ASCC3: variants seen among roughly 807,000 people sequenced by gnomAD.
The protein encoded by ASCC3 is ASC-1 complex subunit P200.
In ASCC3, 158 loss-of-function variants were observed where a neutral mutation model predicts 256.3. The observed-to-expected ratio is 0.62, with a 90% CI of 0.54 to 0.70. The LOEUF is 0.70. Ranked by LOEUF, ASCC3 falls within the 30% of genes least tolerant of loss-of-function variation. The probability of loss-of-function intolerance (pLI) is 0.00; values close to 1 mark genes in which losing one functional copy is unlikely to be tolerated. For missense variants in ASCC3, 2,259 were observed against 2,626.0 expected (o/e 0.86, Z 3.05); for synonymous variants, 948 against 883.4 (o/e 1.07, Z -1.30).
At chr6:100,709,552 G>A (rs1365479337) in intron 13 of ASCC3, among the ~76,000 whole-genome samples, 5 of 151,982 alleles carry the variant, frequency 3.3e-5, no homozygotes, top group Admixed American at 2.6e-4. Flanking sequence ...GGACTGGGAA[G>A]GTTAAAAGTC....
At chr6:100,686,067 AG>A (rs1777552626) in intron 13 of ASCC3, among the ~76,000 whole-genome samples, 1 of 152,210 alleles carries the variant, frequency 6.6e-6, no homozygotes, top group Non-Finnish European at 1.5e-5. Context: ...TAACACATTG[AG>A]CCCAATCAAA....
chr6:100,875,864 C>A (rs576413036), intron 1 of ASCC3, among the ~76,000 whole-genome samples: 1 of 146,402 alleles, frequency 6.8e-6, no homozygotes, highest in Non-Finnish European at 1.5e-5. Context: ...AGGGAAAAAA[C>A]AAACAAACAA....
intron 40 of ASCC3, 114 bp from the exon 41 acceptor site, chr6:100,510,221 C>T: frequency 9.2e-7 from 1 of 1,090,184 alleles, no homozygotes; most frequent in Non-Finnish European, 1.4e-6. Flanking sequence ...CATAGTTCAG[C>T]ATATCTATCT....
rs1333849285 is a variant in ASCC3, at chr6:100,854,941, A to C, written c.242-6234T>G. ...CTTCAGTGCAACACTTCAGTATTGC[A>C]TCCATATATCAGATGCTTATTAATA... On this transcript the variant is annotated intron_variant, in intron 3 of 41. Coordinates refer to ENST00000369162, the MANE Select transcript of ASCC3 (RefSeq NM_006828.4). Among the ~76,000 whole-genome samples the C allele has an allele frequency of 1.4e-4, 21 of 152,294 alleles. No individual in the cohort carries two copies. The South Asian group carries it at 1.7e-3, about 12-fold the overall frequency.
intron 3 of ASCC3, 150 bp downstream of exon 3, chr6:100,863,914 C>T (rs755682361): frequency 3.1e-5 from 23 of 734,040 alleles, no homozygotes; most frequent in Non-Finnish European, 4.1e-5. Flanking sequence ...TGAGCCACCG[C>T]GCCTGGCCAG....
chr6:100,759,276 C>T (rs1289364697), intron 10 of ASCC3, among the ~76,000 whole-genome samples: 1 of 152,162 alleles, frequency 6.6e-6, no homozygotes, highest in Non-Finnish European at 1.5e-5. Context: ...GCTTTTGTTG[C>T]AATTGCTTTT....
rs757219800 is a variant in ASCC3, at chr6:100,510,010, A to G, written c.6383T>C (p.Ile2128Thr). ...AATATATCCTACTCTTTTCAAAGCA[A>G]TAAGTTCTCTCTTATCCACTTCTCC... is the stretch of plus-strand genomic sequence containing the variant. ...ILGEVDKRELIALKRVGYIRN... is the reference protein window; with the variant it reads ...ILGEVDKRELTALKRVGYIRN... Residue 2128 changes from isoleucine (I) to threonine (T), a missense_variant, in exon 41 of 42, where the codon ATT becomes ACT. By Grantham distance (89) the Ile-to-Thr change is moderately conservative. Around this residue, in one of 2 missense-constraint regions of ASCC3, gnomAD observed 1,839 missense variants for 2,206.7 expected, o/e 0.83. Coordinates refer to ENST00000369162, the MANE Select transcript of ASCC3 (RefSeq NM_006828.4). The G allele has an allele frequency of 1.5e-5, 24 of 1,614,050 alleles. No homozygotes were observed. Among genetic ancestry groups the G allele is most frequent in the African/African-American group, 2.7e-5 (2 of 74,936 alleles).
At chr6:100,784,264 C>T (rs1442354184) in intron 8 of ASCC3, among the ~76,000 whole-genome samples, 3 of 151,950 alleles carry the variant, frequency 2.0e-5, no homozygotes, top group African/African-American at 7.3e-5. Context: ...TTTTATTAAT[C>T]TGAGTGTTGA....
intron 30 of ASCC3, among the ~76,000 whole-genome samples, chr6:100,622,999 T>G (rs553748290): frequency 3.3e-5 from 5 of 152,240 alleles, no homozygotes; most frequent in African/African-American, 1.2e-4. Context: ...GGTTTGTACA[T>G]TGTATCTTGA....
At chr6:100,526,693 G>A (rs1371188542) in intron 37 of ASCC3, among the ~76,000 whole-genome samples, 1 of 152,146 alleles carries the variant, frequency 6.6e-6, no homozygotes, top group East Asian at 1.9e-4. Context: ...GACCATCTAG[G>A]ACTAGGATTC....
At chr6:100,558,974 A>G (rs560573968) in intron 36 of ASCC3, among the ~76,000 whole-genome samples, 1 of 152,290 alleles carries the variant, frequency 6.6e-6, no homozygotes, top group East Asian at 1.9e-4. Context: ...TTGAGAATTG[A>G]GTATTGAGCA....
rs139367636 is a variant in ASCC3 at position 100,799,517 on chromosome 6, C to T, written c.1183G>A (p.Ala395Thr). The T allele has an allele frequency of 4.7e-4, 766 of 1,613,064 alleles. 1 individual carries two copies. In the African/African-American group the frequency reaches 8.0e-3, roughly 17 times the overall value. The part of the protein sequence containing the change: ...SVPILSRQRD[A>T]DVEKIHYPHV... ...GGATAATGTATTTTTTCAACGTCTG[C>T]ATCTCTCTGCCTGCTCAGAATTGGA... The change falls in exon 7 of 42, where the codon GCA (alanine) becomes ACA (threonine). Residue 395 changes from alanine (A) to threonine (T), a missense_variant. Around this residue, in one of 2 missense-constraint regions of ASCC3, gnomAD observed 1,839 missense variants for 2,206.7 expected, o/e 0.83. Coordinates refer to ENST00000369162, the MANE Select transcript of ASCC3 (RefSeq NM_006828.4).
chr6:100,647,895 G>A (rs898509844), intron 20 of ASCC3, among the ~76,000 whole-genome samples: 1 of 151,884 alleles, frequency 6.6e-6, no homozygotes, highest in Admixed American at 6.6e-5. Context: ...TGAGAGAAGG[G>A]TGACAAATGA....
At chr6:100,529,142 ATGTGTG>A (rs146662357) in intron 37 of ASCC3, among the ~76,000 whole-genome samples, 2 of 150,506 alleles carry the variant, frequency 1.3e-5, no homozygotes, top group Non-Finnish European at 3.0e-5. Flanking sequence ...GGAACATAAA[ATGTGTG>A]TGTGTGTGTG....
intron 10 of ASCC3, among the ~76,000 whole-genome samples, chr6:100,755,333 A>G (rs1781128164): frequency 6.6e-6 from 1 of 151,480 alleles, no homozygotes; most frequent in South Asian, 2.1e-4. Context: ...TGTAATCTCT[A>G]TTATATATAT....
intron 30 of ASCC3, among the ~76,000 whole-genome samples, chr6:100,608,129 T>C (rs1773057759): frequency 7.9e-6 from 1 of 126,538 alleles, no homozygotes; most frequent in Admixed American, 8.8e-5. Flanking sequence ...TATATATACA[T>C]ATATATGTAT....
chr6:100,633,604 G>A (rs985151566), intron 25 of ASCC3, among the ~76,000 whole-genome samples: 1 of 151,948 alleles, frequency 6.6e-6, no homozygotes, highest in African/African-American at 2.4e-5. Flanking sequence ...GGTTGCTCAG[G>A]CCTGTAATCC....
At chr6:100,820,592 A>T (rs73506911) in intron 4 of ASCC3, among the ~76,000 whole-genome samples, 136 of 152,312 alleles carry the variant, frequency 8.9e-4, no homozygotes, top group African/African-American at 3.2e-3. Context: ...AAAATTCCTA[A>T]CTATGACATC....
At chr6:100,576,862 G>A (rs1770893338) in intron 36 of ASCC3, among the ~76,000 whole-genome samples, 2 of 150,816 alleles carry the variant, frequency 1.3e-5, no homozygotes, top group South Asian at 4.2e-4. Flanking sequence ...CAGCTTCAAG[G>A]AAAGAAGAAT....
Sources: allele counts gnomAD v4.1 joint callset (sites outside exome capture counted in the v4.1 genomes callset), GRCh38; gene constraint gnomAD v4.1.1; regional missense constraint gnomAD v4.1.1; transcripts MANE v1.5; gene names NCBI Gene and HGNC (gene_info 2026-07-23, HGNC 2026-07-21).